SHANK2: variants seen among roughly 807,000 people sequenced by gnomAD.
The protein encoded by SHANK2 is SH3 and multiple ankyrin repeat domains protein 2.
A neutral mutation model predicts 133.7 loss-of-function variants in SHANK2; 43 were observed. That is an observed-to-expected ratio of 0.32 (90% CI 0.25 to 0.41). The LOEUF (loss-of-function observed/expected upper bound fraction) is 0.41. SHANK2 is among the 10% of genes least tolerant of loss of function. The pLI is 1.00. For synonymous variants in SHANK2, 1,017 were observed against 952.8 expected, an observed-to-expected ratio of 1.07 and a Z score of -1.24; for missense variants, 1,994 against 2,235.8, an observed-to-expected ratio of 0.89 and a Z score of 2.18.
At chr11:71,115,250 A>G (rs1555100116) in intron 4 of SHANK2, among the ~76,000 whole-genome samples, 1 of 152,012 alleles carries the variant, frequency 6.6e-6, no homozygotes, top group Non-Finnish European at 1.5e-5. Context: ...AGGTGGATCA[A>G]CCTGAGGCCA....
chr11:70,849,410 C>G (rs1223561656), intron 11 of SHANK2, among the ~76,000 whole-genome samples: 1 of 152,194 alleles, frequency 6.6e-6, no homozygotes, highest in Non-Finnish European at 1.5e-5. Context: ...TACGGGTGCA[C>G]AAATGGGGCT....
At chr11:71,217,991 C>T (rs1199014753) in intron 2 of SHANK2, among the ~76,000 whole-genome samples, 2 of 152,004 alleles carry the variant, frequency 1.3e-5, no homozygotes, top group Non-Finnish European at 2.9e-5. Flanking sequence ...GCTGGGACTA[C>T]AGGCACCCGC....
intron 17 of SHANK2, among the ~76,000 whole-genome samples, chr11:70,581,308 T>C (rs2136224394): frequency 6.6e-6 from 1 of 152,290 alleles, no homozygotes; most frequent in South Asian, 2.1e-4. Context: ...CTGAATGGTA[T>C]ATTTTGTGTT....
At position 70,472,874 on chromosome 11, in the gene SHANK2, T is replaced by C; in HGVS notation, c.5545A>G (p.Arg1849Gly). 1 of 1,614,072 alleles carries C rather than the reference T, an allele frequency of 6.2e-7. No homozygotes were observed. The highest frequency in any genetic ancestry group is 8.5e-7 in the Non-Finnish European group (1 of 1,179,898). The change falls in exon 26 of 26, where the codon AGA becomes GGA. Residue 1849 changes from arginine (R) to glycine (G), a missense_variant. Arg to Gly is a moderately radical substitution (Grantham distance 125, BLOSUM62 -2). Coordinates refer to ENST00000601538, the MANE Select transcript of SHANK2 (RefSeq NM_012309.5). The surrounding 1 kb of genome is among the most constrained non-coding windows in gnomAD (Gnocchi z 4.4). ...IERALKQLLD[R>G] ...GAGGTGGAGAGCAGCCGTCCTTATC[T>C]GTCCAGCAGCTGTTTCAAAGCCCTT...
intron 2 of SHANK2, among the ~76,000 whole-genome samples, chr11:71,203,932 G>A (rs888069586): frequency 8.5e-5 from 13 of 152,250 alleles, no homozygotes; most frequent in South Asian, 8.3e-4. Context: ...TCTACGTGCC[G>A]CCCCGGGAGA....
intron 6 of SHANK2, among the ~76,000 whole-genome samples, chr11:71,102,162 G>A (rs1289909298): frequency 3.3e-5 from 5 of 152,136 alleles, no homozygotes; most frequent in South Asian, 2.1e-4. Context: ...TGCCAGGTTC[G>A]CTTCCTGTTT....
chr11:70,743,046 G>A (rs1946562597), intron 14 of SHANK2, among the ~76,000 whole-genome samples: 1 of 152,180 alleles, frequency 6.6e-6, no homozygotes, highest in Non-Finnish European at 1.5e-5. Flanking sequence ...GACCTGAGAG[G>A]GGATCAGAAC....
chr11:71,186,090 C>T (rs563129318), intron 2 of SHANK2, among the ~76,000 whole-genome samples: 4 of 152,336 alleles, frequency 2.6e-5, no homozygotes, highest in South Asian at 4.1e-4. Context: ...GGTACAGTGA[C>T]GCCCCAAAAG....
chr11:70,711,592 C>T lies in SHANK2; in HGVS notation c.1778-12829G>A, dbSNP rs1555026142. Among the ~76,000 whole-genome samples, 7 of 152,350 alleles carry T rather than the reference C, an allele frequency of 4.6e-5. No individual in the cohort carries two copies. The South Asian group carries it at 1.4e-3, about 32-fold the overall frequency. On this transcript the variant is annotated intron_variant, in intron 14 of 25. Coordinates refer to ENST00000601538, the MANE Select transcript of SHANK2 (RefSeq NM_012309.5). The stretch of plus-strand genomic sequence containing the variant: ...GGGGCTTGGAGCCAGCACGCCCGCC[C>T]GGCCTCCAGGCTCAGGACTCCACTC...
chr11:70,733,411 G>A (rs1351772997), intron 14 of SHANK2, among the ~76,000 whole-genome samples: 1 of 152,168 alleles, frequency 6.6e-6, no homozygotes, highest in Non-Finnish European at 1.5e-5. Flanking sequence ...AGTGATCATC[G>A]CCATTTTAGG....
chr11:70,665,162 A>G (rs1944655750), intron 15 of SHANK2, among the ~76,000 whole-genome samples: 1 of 152,060 alleles, frequency 6.6e-6, no homozygotes, highest in Non-Finnish European at 1.5e-5. Context: ...AAAATTAGAG[A>G]CGGGGTTTTG....
intron 14 of SHANK2, among the ~76,000 whole-genome samples, chr11:70,711,592 C>G (rs1555026142): frequency 1.3e-5 from 2 of 152,232 alleles, no homozygotes; most frequent in Admixed American, 1.3e-4. Context: ...CACGCCCGCC[C>G]GGCCTCCAGG....
chr11:70,936,750 G>A (rs1033934645), intron 10 of SHANK2, among the ~76,000 whole-genome samples: 4 of 152,068 alleles, frequency 2.6e-5, no homozygotes, highest in African/African-American at 9.7e-5. Flanking sequence ...AGGCCTCCTC[G>A]CCTCCCGGAC....
At chr11:70,603,925 A>T (rs2060536742) in intron 17 of SHANK2, 1 of 152,686 alleles carries the variant, frequency 6.5e-6, no homozygotes, top group Non-Finnish European at 1.5e-5. Context: ...AGGAGAGCAG[A>T]ACGACCCGAT....
chr11:70,807,680 A>G lies in SHANK2; in HGVS notation c.1494-509T>C, dbSNP rs1948192284. Among the ~76,000 whole-genome samples, 1 of 152,152 alleles carries G rather than the reference A, an allele frequency of 6.6e-6. No individual in the cohort carries two copies. The highest frequency in any genetic ancestry group is 1.5e-5 in the Non-Finnish European group (1 of 68,028). On this transcript the variant is annotated intron_variant, in intron 12 of 25. Transcript: ENST00000601538. This position sits in a 1 kb window ranked among gnomAD's most constrained non-coding sequence, Gnocchi z 4.8. ...CCTCGTTGGTACTAAAAATTCAAAA[A>G]ATAGCAGGGTGTGGTGGTGAGCACC...
intron 2 of SHANK2, among the ~76,000 whole-genome samples, chr11:71,219,432 T>C (rs60517944): frequency 0.29 from 44,020 of 152,054 alleles, 6,612 homozygotes; most frequent in Middle Eastern, 0.44. Flanking sequence ...AACTCAAAAA[T>C]AGGCAAAGAA....
intron 14 of SHANK2, among the ~76,000 whole-genome samples, chr11:70,797,716 G>T (rs1250144736): frequency 6.6e-6 from 1 of 152,136 alleles, no homozygotes; most frequent in Non-Finnish European, 1.5e-5. Context: ...CAGCGTCCGT[G>T]GCCACTTGAC....
chr11:71,099,010 G>A (rs763407748), intron 6 of SHANK2, among the ~76,000 whole-genome samples: 3 of 152,074 alleles, frequency 2.0e-5, no homozygotes, highest in Non-Finnish European at 2.9e-5. Context: ...ACGGGCCCTC[G>A]GCACCAGGTG....
intron 3 of SHANK2, among the ~76,000 whole-genome samples, chr11:71,128,275 T>C (rs1257867387): frequency 6.6e-6 from 1 of 152,198 alleles, no homozygotes; most frequent in African/African-American, 2.4e-5. Context: ...AGTTGGTCCC[T>C]CTGTCACTCA....
Sources: allele counts gnomAD v4.1 joint callset (sites outside exome capture counted in the v4.1 genomes callset), GRCh38; gene constraint gnomAD v4.1.1; non-coding constraint Gnocchi (gnomAD v3.1); transcripts MANE v1.5; gene names NCBI Gene and HGNC (gene_info 2026-07-23, HGNC 2026-07-21).